Variants in CNTNAP5 observed in about 807,000 individuals in gnomAD.
CNTNAP5 encodes the protein contactin associated protein family member 5.
CNTNAP5 carries 72 observed loss-of-function variants against 150.2 expected under a neutral mutation model. That is an observed-to-expected ratio of 0.48 (90% confidence interval 0.40 to 0.58). The LOEUF (loss-of-function observed/expected upper bound fraction) is 0.58. Ranked by LOEUF, CNTNAP5 falls within the 20% of genes least tolerant of loss-of-function variation. The pLI is 0.00. For synonymous variants in CNTNAP5, 672 were observed against 619.8 expected (o/e 1.08, Z -1.25); for missense variants, 1,636 against 1,626.2 (o/e 1.01, Z -0.10).
intron 12 of CNTNAP5, among the ~76,000 whole-genome samples, chr2:124,614,003 T>C (rs1234793254): frequency 1.3e-5 from 2 of 152,094 alleles, no homozygotes; most frequent in African/African-American, 4.8e-5. Flanking sequence ...AGTGAAGTGA[T>C]GGATAAGGAA....
chr2:124,461,399 T>C (rs1053165276), intron 6 of CNTNAP5, among the ~76,000 whole-genome samples: 1 of 151,232 alleles, frequency 6.6e-6, no homozygotes, highest in African/African-American at 2.4e-5. Context: ...AAATTGGAAA[T>C]CATCATTCTC....
chr2:124,300,096 A>C (rs1688538221), intron 3 of CNTNAP5, among the ~76,000 whole-genome samples: 1 of 152,224 alleles, frequency 6.6e-6, no homozygotes. Flanking sequence ...AACTGCTTTC[A>C]CATCCATGAT....
At chr2:124,039,497 C>A (rs574616552) in intron 1 of CNTNAP5, among the ~76,000 whole-genome samples, 16 of 152,254 alleles carry the variant, frequency 1.1e-4, no homozygotes, top group Non-Finnish European at 2.1e-4. Flanking sequence ...AATAAATGGA[C>A]CTTTGGGCTC....
At chr2:124,674,550 T>TCTTC (rs1181881296) in intron 13 of CNTNAP5, among the ~76,000 whole-genome samples, 2 of 143,698 alleles carry the variant, frequency 1.4e-5, no homozygotes, top group Non-Finnish European at 3.1e-5. Context: ...TTTCTTTCTT[T>TCTTC]CTTCCTTTCT....
At chr2:124,283,832 C>G (rs1259275791) in intron 3 of CNTNAP5, among the ~76,000 whole-genome samples, 3 of 152,164 alleles carry the variant, frequency 2.0e-5, no homozygotes, top group African/African-American at 7.2e-5. Context: ...CACATGGTCT[C>G]TGGAGATTTT....
chr2:124,631,309 A>G (rs1230702247), intron 12 of CNTNAP5, among the ~76,000 whole-genome samples: 1 of 152,216 alleles, frequency 6.6e-6, no homozygotes, highest in Non-Finnish European at 1.5e-5. Context: ...GTATCATGCT[A>G]TATAACTTCA....
At chr2:124,531,644 C>A (rs894409551) in intron 10 of CNTNAP5, among the ~76,000 whole-genome samples, 1 of 152,036 alleles carries the variant, frequency 6.6e-6, no homozygotes, top group African/African-American at 2.4e-5. Context: ...GACCTGGAGA[C>A]GTATGTCAGT....
At chr2:124,394,696 A>G (rs1691203172) in intron 3 of CNTNAP5, among the ~76,000 whole-genome samples, 1 of 152,190 alleles carries the variant, frequency 6.6e-6, no homozygotes, top group South Asian at 2.1e-4. Context: ...TGTCATTCCC[A>G]TTTCACAGAG....
At chr2:124,118,892 G>A (rs1683490951) in intron 1 of CNTNAP5, among the ~76,000 whole-genome samples, 1 of 152,154 alleles carries the variant, frequency 6.6e-6, no homozygotes, top group Admixed American at 6.5e-5. Flanking sequence ...TAGTAAATGG[G>A]ACCCAGGTCT....
At chr2:124,746,759 A>G (rs1319435159) in intron 13 of CNTNAP5, among the ~76,000 whole-genome samples, 1 of 152,178 alleles carries the variant, frequency 6.6e-6, no homozygotes, top group African/African-American at 2.4e-5. Flanking sequence ...TAGTTTTAAA[A>G]GAAAGTTATT....
chr2:124,404,212 C>T (rs924556446), intron 3 of CNTNAP5, among the ~76,000 whole-genome samples: 1 of 152,210 alleles, frequency 6.6e-6, no homozygotes, highest in Non-Finnish European at 1.5e-5. Flanking sequence ...CCTGAAAATT[C>T]CCGACATCCC....
At chr2:124,029,139 T>A (rs1181363355) in intron 1 of CNTNAP5, among the ~76,000 whole-genome samples, 1 of 152,032 alleles carries the variant, frequency 6.6e-6, no homozygotes, top group Admixed American at 6.6e-5. Context: ...GAGAGAGGGA[T>A]CAAAAACTCT....
At chr2:124,666,963 T>C (rs1678714323) in intron 13 of CNTNAP5, among the ~76,000 whole-genome samples, 1 of 152,170 alleles carries the variant, frequency 6.6e-6, no homozygotes, top group South Asian at 2.1e-4. Context: ...AAAGGGAGAC[T>C]ATTACTCTGG....
At chr2:124,644,905 T>TACACACAC (rs3039906) in intron 12 of CNTNAP5, among the ~76,000 whole-genome samples, 4 of 150,124 alleles carry the variant, frequency 2.7e-5, no homozygotes, top group African/African-American at 9.8e-5. Flanking sequence ...CACACACACA[T>TACACACAC]ACACACACAC....
intron 1 of CNTNAP5, among the ~76,000 whole-genome samples, chr2:124,150,093 T>C (rs1684368843): frequency 6.6e-6 from 1 of 152,136 alleles, no homozygotes; most frequent in Non-Finnish European, 1.5e-5. Context: ...CTGTGGAAAG[T>C]AAAGGGATGA....
intron 21 of CNTNAP5, among the ~76,000 whole-genome samples, chr2:124,895,695 A>T (rs1045156841): frequency 2.0e-5 from 3 of 151,604 alleles, no homozygotes; most frequent in African/African-American, 7.3e-5. Context: ...CTGATGATCT[A>T]GAGTGGTACA....
At chr2:124,075,904 G>A (rs1247503372) in intron 1 of CNTNAP5, among the ~76,000 whole-genome samples, 3 of 152,058 alleles carry the variant, frequency 2.0e-5, no homozygotes, top group African/African-American at 7.2e-5. Flanking sequence ...ATTAAACATT[G>A]AGCCATGTTT....
chr2:124,559,255 C>T (rs1558953582), intron 10 of CNTNAP5, among the ~76,000 whole-genome samples: 1 of 152,096 alleles, frequency 6.6e-6, no homozygotes, highest in African/African-American at 2.4e-5. Context: ...AGACTTTTAA[C>T]CCTCTGACTT....
chr2:124,129,079 A>T (rs1271581187), intron 1 of CNTNAP5, among the ~76,000 whole-genome samples: 1 of 151,286 alleles, frequency 6.6e-6, no homozygotes, highest in Non-Finnish European at 1.5e-5. Flanking sequence ...ATAAATAAAT[A>T]AAAAATACCC....
Sources: allele counts gnomAD v4.1 joint callset (sites outside exome capture counted in the v4.1 genomes callset), GRCh38; gene constraint gnomAD v4.1.1; transcripts MANE v1.5; gene names NCBI Gene and HGNC (gene_info 2026-07-23, HGNC 2026-07-21).